Variants in GPC5 observed in about 807,000 individuals in gnomAD.
The protein encoded by GPC5 is glypican 5.
Under a neutral mutation model 53.9 loss-of-function variants are expected in GPC5, and 47 were observed. The ratio of observed to expected loss-of-function variants is 0.87; its 90% confidence interval spans 0.69 to 1.11. The LOEUF (loss-of-function observed/expected upper bound fraction) is 1.11. Ranked by LOEUF, GPC5 falls within the 50% of genes most tolerant of loss-of-function variation. GPC5 has a pLI of 0.00. For missense variants in GPC5, 748 were observed against 713.1 expected (o/e 1.05, Z -0.56); for synonymous variants, 286 against 263.3 (o/e 1.09, Z -0.84).
At chr13:92,806,232 G>A (rs537708429) in intron 7 of GPC5, among the ~76,000 whole-genome samples, 5 of 151,988 alleles carry the variant, frequency 3.3e-5, no homozygotes, top group South Asian at 2.1e-4. Context: ...TACCAACATC[G>A]GCTAGCTTCA....
At chr13:92,026,699 C>T (rs1240003405) in intron 6 of GPC5, among the ~76,000 whole-genome samples, 1 of 151,816 alleles carries the variant, frequency 6.6e-6, no homozygotes, top group Non-Finnish European at 1.5e-5. Flanking sequence ...AGTCTTTGCT[C>T]TTATCAGGAT....
chr13:92,777,022 CAAAAAAAA>C (rs1243297680), intron 7 of GPC5, among the ~76,000 whole-genome samples: 2 of 26,684 alleles, frequency 7.5e-5, no homozygotes, highest in African/African-American at 1.5e-4. Flanking sequence ...GACCCTGCCT[CAAAAAAAA>C]AAAAAAAAAA....
intron 6 of GPC5, among the ~76,000 whole-genome samples, chr13:92,022,828 T>C (rs1284047310): frequency 6.6e-6 from 1 of 151,998 alleles, no homozygotes; most frequent in Non-Finnish European, 1.5e-5. Context: ...TAAGGGGAAA[T>C]GAGGTCTTAA....
At chr13:91,561,871 C>T (rs1406024701) in intron 2 of GPC5, among the ~76,000 whole-genome samples, 1 of 152,066 alleles carries the variant, frequency 6.6e-6, no homozygotes, top group Non-Finnish European at 1.5e-5. Context: ...TTCCATATAG[C>T]TACACACCTG....
At chr13:91,780,432 T>G (rs2037780522) in intron 5 of GPC5, among the ~76,000 whole-genome samples, 2 of 152,118 alleles carry the variant, frequency 1.3e-5, no homozygotes, top group African/African-American at 4.8e-5. Flanking sequence ...GTTTTGAACT[T>G]TTTATTATAT....
chr13:92,810,360 C>T (rs2138797651), intron 7 of GPC5, among the ~76,000 whole-genome samples: 1 of 151,948 alleles, frequency 6.6e-6, no homozygotes, highest in East Asian at 1.9e-4. Flanking sequence ...AATTACTTCA[C>T]AATGAAAACG....
intron 7 of GPC5, among the ~76,000 whole-genome samples, chr13:92,261,525 A>C (rs2139141999): frequency 6.6e-6 from 1 of 152,290 alleles, no homozygotes; most frequent in East Asian, 1.9e-4. Context: ...AAATCTCTGT[A>C]GAGTGTGCAT....
intron 6 of GPC5, among the ~76,000 whole-genome samples, chr13:92,122,703 G>A (rs1339034012): frequency 1.6e-5 from 2 of 121,420 alleles, no homozygotes; most frequent in Non-Finnish European, 3.4e-5. Flanking sequence ...TACCTTTAAT[G>A]TTAGTGGCAG....
At chr13:92,517,782 T>A (rs1237519428) in intron 7 of GPC5, among the ~76,000 whole-genome samples, 6 of 152,044 alleles carry the variant, frequency 3.9e-5, no homozygotes, top group Non-Finnish European at 8.8e-5. Context: ...CCTCTCCCCC[T>A]CCAAAGGAAT....
chr13:92,513,446 A>G lies in GPC5; in HGVS notation c.1562-352836A>G, dbSNP rs373455637. Among the ~76,000 whole-genome samples, 11 of 149,408 alleles carry G rather than the reference A, an allele frequency of 7.4e-5. No homozygotes were observed. The South Asian group carries it at 2.4e-3, about 32-fold the overall frequency. ...GTTCCTGTGTATTTTTCCACATCCTAGTTAAAAATCTAAAGCTTTTTTCTG... is the reference window on the plus strand; with the variant it reads ...GTTCCTGTGTATTTTTCCACATCCTGGTTAAAAATCTAAAGCTTTTTTCTG... On this transcript the variant is annotated intron_variant, in intron 7 of 7. Transcript: ENST00000377067.
At chr13:91,602,378 T>C (rs1451576253) in intron 2 of GPC5, among the ~76,000 whole-genome samples, 1 of 152,230 alleles carries the variant, frequency 6.6e-6, no homozygotes, top group African/African-American at 2.4e-5. Flanking sequence ...AACCCAGTGA[T>C]TAGAGCACAG....
intron 7 of GPC5, among the ~76,000 whole-genome samples, chr13:92,309,880 G>T (rs904526363): frequency 6.6e-6 from 1 of 152,008 alleles, no homozygotes; most frequent in African/African-American, 2.4e-5. Context: ...GGTGTCTTTT[G>T]TGCAACAATT....
rs190715924 is a variant in GPC5 at position 91,601,851 on chromosome 13, A to G, written c.326-91336A>G. Among the ~76,000 whole-genome samples, 7 of 152,330 alleles carry G rather than the reference A, an allele frequency of 4.6e-5. No homozygotes were observed. In the East Asian group the frequency reaches 1.3e-3, roughly 29 times the overall value. On this transcript the variant is annotated intron_variant, in intron 2 of 7. Coordinates refer to ENST00000377067, the MANE Select transcript of GPC5 (RefSeq NM_004466.6). The stretch of plus-strand genomic sequence containing the variant: ...ATAAAGTATACAATAAATGTAATGC[A>G]CTTAAATCATCCTGAAACCATCCCC...
At chr13:92,112,098 T>C (rs892747150) in intron 6 of GPC5, among the ~76,000 whole-genome samples, 16 of 152,276 alleles carry the variant, frequency 1.1e-4, no homozygotes, top group Non-Finnish European at 1.9e-4. Context: ...AATAAGTTAG[T>C]GTTACACAAA....
intron 7 of GPC5, among the ~76,000 whole-genome samples, chr13:92,326,717 A>C (rs1189387117): frequency 1.3e-5 from 2 of 152,158 alleles, no homozygotes; most frequent in Non-Finnish European, 2.9e-5. Context: ...CCAGTTTAAT[A>C]CTTGGTTAAG....
chr13:92,692,385 A>G (rs769650412), intron 7 of GPC5, among the ~76,000 whole-genome samples: 3 of 152,042 alleles, frequency 2.0e-5, no homozygotes, highest in Non-Finnish European at 4.4e-5. Flanking sequence ...TTTTAGATAT[A>G]TACCCAGTAA....
chr13:92,756,622 C>T (rs1874888274), intron 7 of GPC5, among the ~76,000 whole-genome samples: 1 of 147,290 alleles, frequency 6.8e-6, no homozygotes, highest in Non-Finnish European at 1.5e-5. Context: ...TGATAAGCAA[C>T]TTCAGCAAAG....
At chr13:91,982,323 T>G (rs927843609) in intron 6 of GPC5, among the ~76,000 whole-genome samples, 2 of 152,242 alleles carry the variant, frequency 1.3e-5, no homozygotes, top group Admixed American at 6.5e-5. Flanking sequence ...GTGAGAGGTG[T>G]TCAGGATTAT....
chr13:91,742,304 C>A (rs2036952241), intron 4 of GPC5, among the ~76,000 whole-genome samples: 1 of 152,074 alleles, frequency 6.6e-6, no homozygotes, highest in Non-Finnish European at 1.5e-5. Flanking sequence ...ACTGAGAATC[C>A]CATGAATGTT....
Sources: allele counts gnomAD v4.1 joint callset (sites outside exome capture counted in the v4.1 genomes callset), GRCh38; gene constraint gnomAD v4.1.1; transcripts MANE v1.5; gene names NCBI Gene and HGNC (gene_info 2026-07-23, HGNC 2026-07-21).